Variants in CRTC1 observed in about 807,000 individuals in gnomAD.
CRTC1 encodes CREB-regulated transcription coactivator 1.
In CRTC1, 18 loss-of-function variants were observed where a neutral mutation model predicts 66.1. The ratio of observed to expected loss-of-function variants is 0.27; its 90% CI spans 0.19 to 0.40. CRTC1 has a LOEUF of 0.40. Ranked by LOEUF, CRTC1 falls within the 10% of genes least tolerant of loss-of-function variation. CRTC1 has a pLI of 1.00. For missense variants in CRTC1, 669 were observed against 887.9 expected (o/e 0.75, Z 3.13); for synonymous variants, 416 against 398.8 (o/e 1.04, Z -0.51).
In CRTC1 at chr19:18,701,904, C is replaced by G. The variant is rs374147442; in HGVS notation, c.126+18076C>G. On this transcript the variant is annotated intron_variant, in intron 1 of 13. Transcript: ENST00000321949. ...AAGTGCTGGGATTATAGGCATGAGC[C>G]ACCGCGCCCACCGTTTTGTTTTTTT... Among the ~76,000 whole-genome samples the G allele has an allele frequency of 2.1e-4, 32 of 148,926 alleles. No individual in the cohort carries two copies. The East Asian group carries it at 4.7e-3, about 22-fold the overall frequency.
intron 1 of CRTC1, among the ~76,000 whole-genome samples, chr19:18,700,661 G>A (rs373852450): frequency 3.6e-4 from 55 of 152,170 alleles, no homozygotes; most frequent in African/African-American, 5.1e-4. Context: ...CTGGTCATTC[G>A]CCCGGAAATC....
intron 1 of CRTC1, among the ~76,000 whole-genome samples, chr19:18,697,530 C>T (rs550405521): frequency 6.6e-6 from 1 of 152,286 alleles, no homozygotes; most frequent in South Asian, 2.1e-4. Context: ...GGCTGGTCTC[C>T]AACTTCTGAC....
intron 1 of CRTC1, among the ~76,000 whole-genome samples, chr19:18,685,704 C>T (rs1227785666): frequency 2.0e-5 from 3 of 152,070 alleles, no homozygotes; most frequent in Non-Finnish European, 2.9e-5. Flanking sequence ...CATCCTTCCA[C>T]GTGAGTGTCC....
chr19:18,686,960 ATC>A (rs1288076389), intron 1 of CRTC1, among the ~76,000 whole-genome samples: 1 of 150,224 alleles, frequency 6.7e-6, no homozygotes, highest in Non-Finnish European at 1.5e-5. Context: ...GGATGGCCCC[ATC>A]GTGTGGAATA....
chr19:18,704,661 A>ATGATCGCACCACTGCACTGCAGCCTGTG (rs1485424754), intron 1 of CRTC1, among the ~76,000 whole-genome samples: 17 of 152,134 alleles, frequency 1.1e-4, no homozygotes, highest in Non-Finnish European at 1.9e-4. Flanking sequence ...GCAGTGAGCC[A>ATGATCGCACCACTGCACTGCAGCCTGTG]TGATCGCACC....
chr19:18,771,798 T>C lies in CRTC1; in HGVS notation c.1425+252T>C, dbSNP rs2054875402. ...AACACTAGGTGGGGGTGTGCGTTAGTGACATTAGCGATGGCTGTGGCCCTG... is the reference window on the plus strand; with the variant it reads ...AACACTAGGTGGGGGTGTGCGTTAGCGACATTAGCGATGGCTGTGGCCCTG... On this transcript the variant is annotated intron_variant, in intron 11 of 13. Transcript: ENST00000321949. The surrounding 1 kb of genome is among the most constrained non-coding windows in gnomAD (Gnocchi z 4.6). 6.6e-6 allele frequency among the ~76,000 whole-genome samples: 1 copy of C among 152,140 alleles called. No homozygotes were observed. The highest frequency in any genetic ancestry group is 6.5e-5 in the Admixed American group (1 of 15,284).
Position 18,702,219 on chromosome 19 carries a change from A to G in CRTC1, c.126+18391A>G, listed in dbSNP as rs566026284. Among the ~76,000 whole-genome samples, 132 of 144,850 alleles carry G rather than the reference A, an allele frequency of 9.1e-4. 1 individual carries two copies. The highest frequency in any genetic ancestry group is 3.1e-3 in the African/African-American group (116 of 37,152). On this transcript the variant is annotated intron_variant, in intron 1 of 13. Transcript: ENST00000321949. Reference sequence around the variant, plus strand: ...ATTACAGGCGTGAGCCACTGTGCCCAGCATTTTTTTTTTTTTTTGAGACAA... The same window carrying G: ...ATTACAGGCGTGAGCCACTGTGCCCGGCATTTTTTTTTTTTTTTGAGACAA...
At chr19:18,703,498 GC>G (rs1449723717) in intron 1 of CRTC1, among the ~76,000 whole-genome samples, 6 of 152,016 alleles carry the variant, frequency 3.9e-5, no homozygotes, top group African/African-American at 1.4e-4. Context: ...TTGTTCTGTC[GC>G]CTAGGCTGGA....
intron 1 of CRTC1, among the ~76,000 whole-genome samples, chr19:18,685,495 A>G (rs948074165): frequency 6.6e-6 from 1 of 152,150 alleles, no homozygotes; most frequent in African/African-American, 2.4e-5. Flanking sequence ...TGTCTGTACT[A>G]AAAATATAAA....
In CRTC1 at chr19:18,768,329, G is replaced by T. The variant is rs1275237371; in HGVS notation, c.1012-156G>T. On this transcript the variant is annotated intron_variant, in intron 9 of 13. Coordinates refer to ENST00000321949, the MANE Select transcript of CRTC1 (RefSeq NM_015321.3). This position sits in a 1 kb window ranked among gnomAD's most constrained non-coding sequence, Gnocchi z 5.6. ...GCGTGAGGCCCACCCTCTCTAGCCT[G>T]GGCTCCCTCATCGTGAGGAGCACCC... Among the ~76,000 whole-genome samples the T allele has an allele frequency of 6.6e-6, 1 of 152,174 alleles. No homozygotes were observed.
intron 1 of CRTC1, among the ~76,000 whole-genome samples, chr19:18,716,108 G>C (rs977253387): frequency 2.0e-5 from 3 of 152,052 alleles, no homozygotes; most frequent in Non-Finnish European, 4.4e-5. Context: ...TGTGCCCCCC[G>C]CTGCCCTGCC....
At chr19:18,706,182 CTTTTTTTTTTTTTTT>C (rs58104974) in intron 1 of CRTC1, among the ~76,000 whole-genome samples, 7 of 18,670 alleles carry the variant, frequency 3.7e-4, no homozygotes, top group African/African-American at 5.7e-4. Context: ...TTCCATTGGT[CTTTTTTTTTTTTTTT>C]TTTTTTTTTT....
In CRTC1 at chr19:18,778,861, C is replaced by G. The variant is rs1410867822; in HGVS notation, c.*1479C>G. On this transcript the variant is annotated 3_prime_UTR_variant, in exon 14 of 14. Transcript: ENST00000321949. ...TACCCTCTGGCTCCTAGCCCACACC[C>G]CCTCTCTTGGGCAGCGTGGTCTGCT... 4.3e-6 allele frequency: 1 copy of G among 231,442 alleles called. No homozygotes were observed. The highest frequency in any genetic ancestry group is 5.6e-5 in the Admixed American group (1 of 17,718). 14.3% of individuals were successfully genotyped at this position (231,442 alleles called of 1,614,324 possible). A position where few individuals can be genotyped will look rare whatever the true frequency, so the allele number is the denominator to read the frequency against.
intron 5 of CRTC1, among the ~76,000 whole-genome samples, chr19:18,751,558 C>T (rs544449579): frequency 8.1e-4 from 124 of 152,222 alleles, no homozygotes; most frequent in African/African-American, 2.9e-3. Flanking sequence ...GAAATGTTTA[C>T]TCTTACCTTG....
rs538413358 is a variant in CRTC1 at position 18,743,113 on chromosome 19, G to T, written c.243+87G>T. On this transcript the variant is annotated intron_variant, in intron 2 of 13. Coordinates refer to ENST00000321949, the MANE Select transcript of CRTC1 (RefSeq NM_015321.3). The stretch of plus-strand genomic sequence containing the variant: ...GGGCCAGACATTGAGGACAGCTGGG[G>T]TTATCAGACAGTTGGCGGAGCCCAC... 5.6e-6 allele frequency: 6 copies of T among 1,063,260 alleles called. No homozygotes were observed. The South Asian group carries it at 7.7e-5, about 14-fold the overall frequency. 65.9% of individuals were successfully genotyped at this position (1,063,260 alleles called of 1,614,324 possible).
chr19:18,760,295 G>A lies in CRTC1; in HGVS notation c.886+67G>A. 1 of 1,324,092 alleles carries A rather than the reference G, an allele frequency of 7.6e-7. No individual in the cohort carries two copies. The highest frequency in any genetic ancestry group is 1.0e-6 in the Non-Finnish European group (1 of 956,544). 82.0% of individuals were successfully genotyped at this position (1,324,092 alleles called of 1,614,324 possible). A position where few individuals can be genotyped will look rare whatever the true frequency, so the allele number is the denominator to read the frequency against. ...GTGGAGACAACACGGGCATCTGCAGGATGACTTGGCAGAGTCCCGTTCCAA... is the reference window on the plus strand; with the variant it reads ...GTGGAGACAACACGGGCATCTGCAGAATGACTTGGCAGAGTCCCGTTCCAA... On this transcript the variant is annotated intron_variant, in intron 8 of 13. Coordinates refer to ENST00000321949, the MANE Select transcript of CRTC1 (RefSeq NM_015321.3). The surrounding 1 kb of genome is among the most constrained non-coding windows in gnomAD (Gnocchi z 6.2).
chr19:18,766,399 A>G (rs1445403632), intron 9 of CRTC1, among the ~76,000 whole-genome samples: 1 of 149,884 alleles, frequency 6.7e-6, no homozygotes, highest in African/African-American at 2.5e-5. Context: ...TTGGCCTCCA[A>G]AAGTGCTGGG....
chr19:18,754,293 GGAGGATTACTT>G (rs2054437513), intron 6 of CRTC1, among the ~76,000 whole-genome samples: 1 of 152,172 alleles, frequency 6.6e-6, no homozygotes, highest in Non-Finnish European at 1.5e-5. Context: ...GGCTGAGGTG[GGAGGATTACTT>G]GAGCTCAGGA....
intron 1 of CRTC1, among the ~76,000 whole-genome samples, chr19:18,733,733 A>G (rs569779875): frequency 5.7e-4 from 87 of 152,354 alleles, no homozygotes; most frequent in Non-Finnish European, 1.0e-3. Flanking sequence ...GGAGGGACTG[A>G]GGCAAAAACA....
Sources: gnomAD v4.1 joint callset for allele counts (sites outside exome capture counted in the v4.1 genomes callset) on GRCh38, gnomAD v4.1.1 for gene constraint, Gnocchi (gnomAD v3.1) non-coding constraint, MANE v1.5 for transcripts, NCBI Gene and HGNC (gene_info 2026-07-23, HGNC 2026-07-21) for gene names.